The following BRINP3 variants were observed in gnomAD, a reference collection of about 807,000 sequenced individuals.
BRINP3 encodes BMP/retinoic acid-inducible neural-specific protein 3.
In BRINP3, 19 loss-of-function variants were observed where a neutral mutation model predicts 71.0. The ratio of observed to expected loss-of-function variants is 0.27; its 90% CI spans 0.19 to 0.39. The LOEUF (loss-of-function observed/expected upper bound fraction) is 0.39. BRINP3 is among the 10% of genes least tolerant of loss of function. The probability of loss-of-function intolerance (pLI) is 1.00; values close to 1 mark genes in which losing one functional copy is unlikely to be tolerated. For missense variants in BRINP3, 959 were observed against 940.8 expected (o/e 1.02, Z -0.25); for synonymous variants, 380 against 337.7 (o/e 1.13, Z -1.37).
At chr1:190,280,986 T>G (rs1234151821) in intron 3 of BRINP3, among the ~76,000 whole-genome samples, 2 of 151,904 alleles carry the variant, frequency 1.3e-5, no homozygotes, top group Non-Finnish European at 2.9e-5. Flanking sequence ...AAATAGTATT[T>G]AACAATATCA....
chr1:190,252,419 T>G (rs1175789148), intron 4 of BRINP3, among the ~76,000 whole-genome samples: 1 of 152,106 alleles, frequency 6.6e-6, no homozygotes, highest in African/African-American at 2.4e-5. Context: ...TCTTTCTGCT[T>G]ATTGAAAGAG....
At chr1:190,475,303 C>T (rs751150292) in intron 1 of BRINP3, among the ~76,000 whole-genome samples, 1 of 152,092 alleles carries the variant, frequency 6.6e-6, no homozygotes, top group East Asian at 1.9e-4. Flanking sequence ...TAAATATTAA[C>T]GCAAAAAGGT....
At chr1:190,415,862 C>T (rs1010529326) in intron 2 of BRINP3, among the ~76,000 whole-genome samples, 1 of 152,158 alleles carries the variant, frequency 6.6e-6, no homozygotes, top group African/African-American at 2.4e-5. Context: ...AACTATAACA[C>T]CACCACTGTC....
Position 190,293,115 on chromosome 1 carries a change from C to T in BRINP3, c.237-11365G>A, listed in dbSNP as rs564355624. 3.4e-4 allele frequency among the ~76,000 whole-genome samples: 52 copies of T among 152,002 alleles called. 1 individual carries two copies. The Middle Eastern group carries it at 0.014, about 40-fold the overall frequency. ...CTTCTCTACATTTCTTGAGGTGCAT[C>T]ATTAAGTTTTTATGTGAAGTCTTTT... On this transcript the variant is annotated intron_variant, in intron 2 of 7. Coordinates refer to ENST00000367462, the MANE Select transcript of BRINP3 (RefSeq NM_199051.3).
Position 190,368,238 on chromosome 1 carries a change from T to A in BRINP3, c.236+86417A>T, listed in dbSNP as rs1669633838. On this transcript the variant is annotated intron_variant, in intron 2 of 7. Transcript: ENST00000367462. ...GGAAGTAAACATGTCCTTCTTCACATGGTGGCAGCAAGGAGAAGTGCCAAG... is the reference window on the plus strand; with the variant it reads ...GGAAGTAAACATGTCCTTCTTCACAAGGTGGCAGCAAGGAGAAGTGCCAAG... 2.0e-5 allele frequency among the ~76,000 whole-genome samples: 3 copies of A among 152,018 alleles called. No individual in the cohort carries two copies. The South Asian group carries it at 6.2e-4, about 32-fold the overall frequency.
At chr1:190,336,820 CTCCT>C (rs1314578900) in intron 2 of BRINP3, among the ~76,000 whole-genome samples, 3 of 94,448 alleles carry the variant, frequency 3.2e-5, no homozygotes, top group South Asian at 5.2e-4. Context: ...CCTCCCTTCC[CTCCT>C]TCCCTCCCTC....
intron 7 of BRINP3, among the ~76,000 whole-genome samples, chr1:190,112,470 C>T (rs1239852112): frequency 6.6e-6 from 1 of 152,050 alleles, no homozygotes; most frequent in African/African-American, 2.4e-5. Context: ...ACCATGGCAC[C>T]ACAGGAGGCA....
intron 6 of BRINP3, among the ~76,000 whole-genome samples, chr1:190,195,324 T>C (rs1263066948): frequency 6.6e-6 from 1 of 152,018 alleles, no homozygotes; most frequent in Non-Finnish European, 1.5e-5. Flanking sequence ...GACCGATTTT[T>C]ATAATTAAAA....
At chr1:190,160,644 C>T (rs1286158359) in intron 7 of BRINP3, 24 bp downstream of exon 7, 3 of 1,592,864 alleles carry the variant, frequency 1.9e-6, no homozygotes, top group South Asian at 2.3e-5. Flanking sequence ...AACTTAATTG[C>T]TTACATTACC....
intron 2 of BRINP3, among the ~76,000 whole-genome samples, chr1:190,419,531 T>C (rs1673224705): frequency 1.3e-5 from 2 of 151,996 alleles, no homozygotes. Flanking sequence ...TGAATAGATA[T>C]TTGAAATAAA....
At chr1:190,436,421 G>A (rs1353986743) in intron 2 of BRINP3, among the ~76,000 whole-genome samples, 1 of 151,506 alleles carries the variant, frequency 6.6e-6, no homozygotes, top group Admixed American at 6.6e-5. Flanking sequence ...TCTTAGAAAA[G>A]GACAATCATC....
intron 4 of BRINP3, among the ~76,000 whole-genome samples, chr1:190,258,198 G>A (rs958546177): frequency 3.3e-5 from 5 of 152,268 alleles, no homozygotes; most frequent in South Asian, 2.1e-4. Flanking sequence ...AATGACGGAC[G>A]CCCCTCCCCC....
At chr1:190,472,751 A>C (rs1037428297) in intron 1 of BRINP3, among the ~76,000 whole-genome samples, 10 of 151,818 alleles carry the variant, frequency 6.6e-5, no homozygotes, top group African/African-American at 2.4e-4. Flanking sequence ...ACTACACTGC[A>C]AATAAATACA....
chr1:190,109,196 A>G (rs975665803), intron 7 of BRINP3, among the ~76,000 whole-genome samples: 1 of 152,204 alleles, frequency 6.6e-6, no homozygotes, highest in African/African-American at 2.4e-5. Context: ...GGATAAAAAG[A>G]AGCCACATCA....
At chr1:190,452,851 C>A (rs1339849493) in intron 2 of BRINP3, among the ~76,000 whole-genome samples, 1 of 151,928 alleles carries the variant, frequency 6.6e-6, no homozygotes, top group Admixed American at 6.6e-5. Flanking sequence ...AACGAGACTC[C>A]GTCCCAAAAA....
chr1:190,265,108 T>A (rs996983390), intron 3 of BRINP3, 53 bp from the exon 4 acceptor site: 4 of 1,489,990 alleles, frequency 2.7e-6, no homozygotes, highest in South Asian at 1.2e-5. Context: ...ATCTTTTTTT[T>A]TAACTTATCT....
At chr1:190,158,462 G>A (rs943407618) in intron 7 of BRINP3, among the ~76,000 whole-genome samples, 1 of 152,028 alleles carries the variant, frequency 6.6e-6, no homozygotes, top group Non-Finnish European at 1.5e-5. Flanking sequence ...GAGACTATTA[G>A]AGTGGAGAGA....
At chr1:190,373,253 G>A (rs1349552628) in intron 2 of BRINP3, among the ~76,000 whole-genome samples, 1 of 152,004 alleles carries the variant, frequency 6.6e-6, no homozygotes, top group African/African-American at 2.4e-5. Context: ...AGCCAGGCGT[G>A]GTGGTGCATG....
rs115310140 is a variant in BRINP3 at position 190,166,373 on chromosome 1, A to T, written c.962-5483T>A. ...ATGTTTTATATTAAAGCATTTCAAT[A>T]CATCAAGCCAATTAATCTGTCCCTC... On this transcript the variant is annotated intron_variant, in intron 6 of 7. Coordinates refer to ENST00000367462, the MANE Select transcript of BRINP3 (RefSeq NM_199051.3). Among the ~76,000 whole-genome samples, 493 of 152,296 alleles carry T rather than the reference A, an allele frequency of 3.2e-3. 5 individuals are homozygous for T. Among genetic ancestry groups the T allele is most frequent in the African/African-American group, 0.011 (467 of 41,558 alleles).
Sources: allele counts gnomAD v4.1 joint callset (sites outside exome capture counted in the v4.1 genomes callset), GRCh38; gene constraint gnomAD v4.1.1; transcripts MANE v1.5; gene names NCBI Gene and HGNC (gene_info 2026-07-23, HGNC 2026-07-21).